The following NLGN1 variants were observed in gnomAD, a reference collection of about 807,000 sequenced individuals.
The protein encoded by NLGN1 is neuroligin 1, also known as neuroligin-1.
Under a neutral mutation model 65.5 loss-of-function variants are expected in NLGN1, and 12 were observed. The observed-to-expected ratio is 0.18, with a 90% CI of 0.12 to 0.30. The LOEUF is 0.30. NLGN1 is among the 10% of genes least tolerant of loss of function. NLGN1 has a pLI of 1.00. For missense variants in NLGN1, 750 were observed against 1,007.1 expected (o/e 0.74, Z 3.46); for synonymous variants, 350 against 359.5 (o/e 0.97, Z 0.30).
intron 2 of NLGN1, among the ~76,000 whole-genome samples, chr3:173,520,281 C>G (rs1374096617): frequency 6.6e-6 from 1 of 152,196 alleles, no homozygotes; most frequent in Non-Finnish European, 1.5e-5. Context: ...TGGATTAATA[C>G]AGTCTTGTAA....
chr3:173,481,805 A>T (rs562294169), intron 2 of NLGN1, among the ~76,000 whole-genome samples: 2 of 152,080 alleles, frequency 1.3e-5, no homozygotes, highest in East Asian at 1.9e-4. Flanking sequence ...CATTCTTACC[A>T]GCAGAGTGTG....
chr3:173,475,745 T>C (rs1451642037), intron 2 of NLGN1, among the ~76,000 whole-genome samples: 1 of 152,192 alleles, frequency 6.6e-6, no homozygotes, highest in Admixed American at 6.5e-5. Context: ...GTTTTATCTC[T>C]TTGAACTAAG....
intron 4 of NLGN1, among the ~76,000 whole-genome samples, chr3:174,201,295 G>A (rs535135547): frequency 6.5e-4 from 91 of 140,320 alleles, no homozygotes; most frequent in African/African-American, 2.3e-3. Context: ...GAACGGAAAG[G>A]GGGAGGGAGG....
At chr3:174,050,897 G>T (rs911846106) in intron 4 of NLGN1, among the ~76,000 whole-genome samples, 2 of 152,056 alleles carry the variant, frequency 1.3e-5, no homozygotes, top group African/African-American at 2.4e-5. Flanking sequence ...TGTCTGGCCA[G>T]TTGAGCACGA....
At position 173,628,838 on chromosome 3, in the gene NLGN1, C is replaced by T. The variant is rs965563100; in HGVS notation, c.493+23747C>T. 9.2e-5 allele frequency among the ~76,000 whole-genome samples: 14 copies of T among 152,040 alleles called. No homozygotes were observed. In the South Asian group the frequency reaches 1.0e-3, roughly 11 times the overall value. The stretch of plus-strand genomic sequence containing the variant: ...TCTCCCTAACAGCTGGGATTAGAGG[C>T]GTGCACCACCATGCCCAGCTAATTT... On this transcript the variant is annotated intron_variant, in intron 3 of 6. Coordinates refer to ENST00000457714, the Ensembl canonical transcript of NLGN1.
chr3:174,275,370 C>A, exon 5 of NLGN1: 1 of 1,612,684 alleles, frequency 6.2e-7, no homozygotes, highest in Non-Finnish European at 8.5e-7. Context: ...TCCTTGATCT[C>A]ATACAAGCTT....
rs547730312 is a variant in NLGN1, at chr3:173,543,817, G to A, written c.-320-60462G>A. Among the ~76,000 whole-genome samples, 4 of 152,226 alleles carry A rather than the reference G, an allele frequency of 2.6e-5. No homozygotes were observed. In the South Asian group the frequency reaches 8.3e-4, roughly 32 times the overall value. On this transcript the variant is annotated intron_variant, in intron 2 of 6. Coordinates refer to ENST00000457714, the Ensembl canonical transcript of NLGN1. ...CAGACACAATCTTTGCACTCATGAA[G>A]CTTAGAGACAAGTACAGAGAGAATT...
At chr3:174,083,145 T>C (rs1013708903) in intron 4 of NLGN1, among the ~76,000 whole-genome samples, 1 of 152,158 alleles carries the variant, frequency 6.6e-6, no homozygotes, top group Non-Finnish European at 1.5e-5. Context: ...ACATATATGT[T>C]AGAAAATGAC....
At chr3:174,105,713 C>G (rs142763602) in intron 4 of NLGN1, among the ~76,000 whole-genome samples, 550 of 136,936 alleles carry the variant, frequency 4.0e-3, no homozygotes, top group Middle Eastern at 0.011. Context: ...ATATCTATAT[C>G]TAGATATATA....
chr3:173,784,283 A>C (rs1035286247), intron 3 of NLGN1, among the ~76,000 whole-genome samples: 10 of 152,178 alleles, frequency 6.6e-5, no homozygotes, highest in Non-Finnish European at 8.8e-5. Flanking sequence ...GGTGAATATT[A>C]ACATCTCTCC....
At chr3:173,520,686 C>T (rs957861708) in intron 2 of NLGN1, among the ~76,000 whole-genome samples, 1 of 152,158 alleles carries the variant, frequency 6.6e-6, no homozygotes, top group Non-Finnish European at 1.5e-5. Flanking sequence ...GACATATAAT[C>T]TGGCTTGGAG....
intron 3 of NLGN1, among the ~76,000 whole-genome samples, chr3:173,672,460 TC>T (rs1451075611): frequency 2.0e-5 from 3 of 152,218 alleles, no homozygotes; most frequent in East Asian, 3.9e-4. Flanking sequence ...ATATAGAAAT[TC>T]CTGGATAGGT....
intron 3 of NLGN1, among the ~76,000 whole-genome samples, chr3:173,645,630 G>A (rs2149609090): frequency 6.6e-6 from 1 of 152,224 alleles, no homozygotes; most frequent in Admixed American, 6.5e-5. Flanking sequence ...AGTTCCATGG[G>A]GAAAAATCAG....
intron 4 of NLGN1, among the ~76,000 whole-genome samples, chr3:173,822,998 C>A (rs1479705164): frequency 6.6e-6 from 1 of 151,864 alleles, no homozygotes; most frequent in African/African-American, 2.4e-5. Context: ...AATACCATGT[C>A]AGTTAATTCT....
At chr3:173,640,689 GA>G (rs1480437970) in intron 3 of NLGN1, among the ~76,000 whole-genome samples, 1 of 152,096 alleles carries the variant, frequency 6.6e-6, no homozygotes, top group Admixed American at 6.5e-5. Flanking sequence ...CAAAATTCAT[GA>G]ACCGTCCATT....
chr3:173,456,899 C>T (rs1722596591), intron 2 of NLGN1, among the ~76,000 whole-genome samples: 1 of 152,028 alleles, frequency 6.6e-6, no homozygotes, highest in African/African-American at 2.4e-5. Context: ...TTTAGCTGCT[C>T]TTGCATATGG....
chr3:173,970,742 C>T (rs11709085), intron 4 of NLGN1, among the ~76,000 whole-genome samples: 10 of 152,048 alleles, frequency 6.6e-5, no homozygotes, highest in African/African-American at 2.2e-4. Flanking sequence ...ACCTATAAAC[C>T]TAAGTGTCCT....
intron 4 of NLGN1, among the ~76,000 whole-genome samples, chr3:174,052,707 G>T (rs1193484336): frequency 6.6e-6 from 1 of 151,898 alleles, no homozygotes; most frequent in Non-Finnish European, 1.5e-5. Flanking sequence ...AAAGTGATTA[G>T]GTGCTTCTAT....
chr3:173,919,601 A>C (rs9882544), intron 4 of NLGN1, among the ~76,000 whole-genome samples: 38,854 of 151,942 alleles, frequency 0.26, 5,203 homozygotes, highest in East Asian at 0.36. Context: ...CAAAATCCAC[A>C]CTCTTAACTA....
Sources: gnomAD v4.1 joint callset for allele counts (sites outside exome capture counted in the v4.1 genomes callset) on GRCh38, gnomAD v4.1.1 for gene constraint, MANE v1.5 for transcripts, NCBI Gene and HGNC (gene_info 2026-07-23, HGNC 2026-07-21) for gene names.